The following SLC6A20 variants were observed in gnomAD, a reference collection of about 807,000 sequenced individuals.
The protein encoded by SLC6A20 is solute carrier family 6 member 20, also known as sodium- and chloride-dependent transporter XTRP3.
SLC6A20 carries 73 observed loss-of-function variants against 64.3 expected under a neutral mutation model. That is an observed-to-expected ratio of 1.14 (90% confidence interval 0.94 to 1.38). The LOEUF (loss-of-function observed/expected upper bound fraction) is 1.38. SLC6A20 is among the 40% of genes most tolerant of loss of function. SLC6A20 has a pLI of 0.00. For missense variants in SLC6A20, 725 were observed against 772.8 expected (o/e 0.94, Z 0.73); for synonymous variants, 347 against 329.6 (o/e 1.05, Z -0.57).
chr3:45,778,345 A>G (rs2531748), intron 3 of SLC6A20, among the ~76,000 whole-genome samples: 49,541 of 152,150 alleles, frequency 0.33, 8,547 homozygotes, highest in East Asian at 0.63. Flanking sequence ...GCTGGGACCT[A>G]TGTCTGGCCC....
chr3:45,780,135 G>T, intron 2 of SLC6A20, 35 bp from the exon 3 acceptor site: 1 of 1,548,602 alleles, frequency 6.5e-7, no homozygotes, highest in Admixed American at 1.9e-5. Context: ...TGAGGACTGA[G>T]GATGGCCCTT....
rs1699574376 is a variant in SLC6A20 at position 45,757,797 on chromosome 3, A to C, written c.*1181T>G. 1 of 152,498 alleles carries C rather than the reference A, an allele frequency of 6.6e-6. No individual in the cohort carries two copies. The highest frequency in any genetic ancestry group is 2.1e-4 in the South Asian group (1 of 4,838). 9.4% of individuals were successfully genotyped at this position (152,498 alleles called of 1,614,324 possible). On this transcript the variant is annotated 3_prime_UTR_variant, in exon 11 of 11. Coordinates refer to ENST00000358525, the MANE Select transcript of SLC6A20 (RefSeq NM_020208.4). Reference sequence around the variant, plus strand: ...GCTCTGTTTGAATTATATACATTTTAGAAAACTATGTACAGATGAATAATT... The same window carrying C: ...GCTCTGTTTGAATTATATACATTTTCGAAAACTATGTACAGATGAATAATT...
chr3:45,771,193 C>G, intron 6 of SLC6A20, 24 bp downstream of exon 6: 1 of 1,613,714 alleles, frequency 6.2e-7, no homozygotes, highest in Non-Finnish European at 8.5e-7. Context: ...AGGCCTGGGA[C>G]TCGGTGGGAC....
chr3:45,762,278 C>T (rs1575423959), intron 9 of SLC6A20, among the ~76,000 whole-genome samples: 2 of 152,226 alleles, frequency 1.3e-5, no homozygotes, highest in Non-Finnish European at 2.9e-5. Flanking sequence ...CATCTGGGAA[C>T]CTGCTAGAAA....
chr3:45,776,072 C>A, intron 3 of SLC6A20, 84 bp from the exon 4 acceptor site: 2 of 1,338,504 alleles, frequency 1.5e-6, no homozygotes, highest in Middle Eastern at 1.8e-4. Context: ...TGGCCCTGAG[C>A]GGAGACTCTT....
rs542036391 is a variant in SLC6A20 at position 45,756,636 on chromosome 3, T to A, written c.*2342A>T. On this transcript the variant is annotated 3_prime_UTR_variant, in exon 11 of 11. Transcript: ENST00000358525. The stretch of plus-strand genomic sequence containing the variant: ...CTCCGGCCAACGTCCCAGGTGAGTG[T>A]TTGTGTCTTCAAAGATATCTGTGCA... The A allele has an allele frequency of 9.2e-5, 14 of 152,238 alleles. No homozygotes were observed. Among genetic ancestry groups the A allele is most frequent in the African/African-American group, 3.4e-4 (14 of 41,542 alleles). The allele number at this position is 152,238 out of a possible 1,614,324, so 9.4% of individuals were successfully genotyped here.
chr3:45,762,656 G>C (rs763885602), intron 9 of SLC6A20, among the ~76,000 whole-genome samples: 9 of 152,184 alleles, frequency 5.9e-5, no homozygotes, highest in African/African-American at 9.7e-5. Flanking sequence ...GGTCCAGCAG[G>C]GTCAACCCTA....
At chr3:45,787,289 T>G (rs1451623765) in intron 1 of SLC6A20, among the ~76,000 whole-genome samples, 1 of 152,168 alleles carries the variant, frequency 6.6e-6, no homozygotes, top group African/African-American at 2.4e-5. Context: ...CTGTTCCTCC[T>G]GCCCAGGATG....
At chr3:45,779,891 G>T (rs1024438051) in intron 3 of SLC6A20, 118 bp downstream of exon 3, 1 of 1,099,868 alleles carries the variant, frequency 9.1e-7, no homozygotes, top group Non-Finnish European at 1.3e-6. Flanking sequence ...ACCACCCACC[G>T]GCTCCCCGCC....
intron 1 of SLC6A20, among the ~76,000 whole-genome samples, chr3:45,783,547 T>C (rs758396591): frequency 6.6e-6 from 1 of 152,212 alleles, no homozygotes; most frequent in Non-Finnish European, 1.5e-5. Context: ...ATTTAATCAA[T>C]TGTTAGACAC....
intron 1 of SLC6A20, among the ~76,000 whole-genome samples, chr3:45,791,967 G>A (rs2125658695): frequency 6.6e-6 from 1 of 152,358 alleles, no homozygotes; most frequent in Non-Finnish European, 1.5e-5. Context: ...CTTTGTGGAA[G>A]AAGTCACCTT....
chr3:45,759,016 G>A lies in SLC6A20; in HGVS notation c.1741C>T (p.Arg581Cys), dbSNP rs144826762. The A allele has an allele frequency of 3.6e-5, 58 of 1,611,462 alleles. 1 individual carries two copies. Among genetic ancestry groups the A allele is most frequent in the South Asian group, 1.9e-4 (17 of 90,422 alleles). The change falls in exon 11 of 11, where the codon CGT (arginine) becomes TGT (cysteine). Residue 581 changes from arginine (R) to cysteine (C), a missense_variant. Arg to Cys is a radical substitution (Grantham distance 180). Transcript: ENST00000358525. ...PLAALGTFVQ[R>C]RLKRGDADPV... ...TCTGCGTCTCCCCTCTTGAGGCGAC[G>A]CTGAACAAAAGTCCCCAGGGCCGCC...
At position 45,771,358 on chromosome 3, in the gene SLC6A20, T is replaced by C. The variant is rs1334464387; in HGVS notation, c.794A>G (p.Tyr265Cys). ...GFGSLIAFAS[Y>C]NEPSNNCQKH... ...CTGGCAGTTGTTGGATGGCTCATTG[T>C]AGCTGGCGAAGGCGATCAGGCTGCC... Residue 265 changes from tyrosine (Y) to cysteine (C), a missense_variant, in exon 6 of 11, where the codon TAC becomes TGC. By Grantham distance (194) the Tyr-to-Cys change is radical. Transcript: ENST00000358525. 6.2e-7 allele frequency: 1 copy of C among 1,614,272 alleles called. No homozygotes were observed. The highest frequency in any genetic ancestry group is 1.7e-5 in the Admixed American group (1 of 60,030).
In SLC6A20 at chr3:45,782,143, G is replaced by C; in HGVS notation, c.202C>G (p.Arg68Gly). 2 of 1,613,706 alleles carry C rather than the reference G, an allele frequency of 1.2e-6. No individual in the cohort carries two copies. Among genetic ancestry groups the C allele is most frequent in the Non-Finnish European group, 1.7e-6 (2 of 1,179,840 alleles). ...LLYLELAVGQ[R>G]MRQGSIGAWR... ...GCGCCGATGCTGCCCTGCCGCATGC[G>C]CTGCCCCACAGCCAGTTCCAGGTAC... Residue 68 changes from arginine to glycine, a missense_variant, in exon 2 of 11, where the codon CGC (arginine) becomes GGC (glycine). By Grantham distance (125) the Arg-to-Gly change is moderately radical. Transcript: ENST00000358525.
intron 1 of SLC6A20, among the ~76,000 whole-genome samples, chr3:45,785,808 T>C (rs1257313528): frequency 1.3e-5 from 2 of 152,188 alleles, no homozygotes; most frequent in Admixed American, 1.3e-4. Context: ...TGGGCTGGCC[T>C]TGGGGCTGGC....
At position 45,772,620 on chromosome 3, in the gene SLC6A20, G is replaced by A. The variant is rs752593798; in HGVS notation, c.583-5C>T. ...TGACGCCGTGAAATACACCACCTGC[G>A]GGCATCAGAGGGCAGAGTTGGCCTC... is the stretch of plus-strand genomic sequence containing the variant. On this transcript the variant is annotated splice_region_variant and splice_polypyrimidine_tract_variant and intron_variant, in intron 4 of 10. Coordinates refer to ENST00000358525, the MANE Select transcript of SLC6A20 (RefSeq NM_020208.4). 52 of 1,610,334 alleles carry A rather than the reference G, an allele frequency of 3.2e-5. No homozygotes were observed. Among genetic ancestry groups the A allele is most frequent in the Middle Eastern group, 1.7e-4 (1 of 6,052 alleles).
At chr3:45,794,027 C>T (rs1483611708) in intron 1 of SLC6A20, among the ~76,000 whole-genome samples, 2 of 152,120 alleles carry the variant, frequency 1.3e-5, no homozygotes, top group South Asian at 2.1e-4. Context: ...TTGGGCCGGG[C>T]GGAGACAGAG....
intron 7 of SLC6A20, among the ~76,000 whole-genome samples, chr3:45,769,645 C>T (rs537673970): frequency 1.3e-5 from 2 of 151,988 alleles, no homozygotes; most frequent in African/African-American, 2.4e-5. Context: ...TCTTTCCAGA[C>T]CATTTATGCC....
intron 1 of SLC6A20, among the ~76,000 whole-genome samples, chr3:45,792,732 AC>A (rs1345366386): frequency 6.6e-6 from 1 of 151,904 alleles, no homozygotes; most frequent in African/African-American, 2.4e-5. Flanking sequence ...CCTCTCCCCA[AC>A]CCCACACTCC....
Sources: allele counts gnomAD v4.1 joint callset (sites outside exome capture counted in the v4.1 genomes callset), GRCh38; gene constraint gnomAD v4.1.1; transcripts MANE v1.5; gene names NCBI Gene and HGNC (gene_info 2026-07-23, HGNC 2026-07-21).